The following USP25 variants were observed in gnomAD, a reference collection of about 807,000 sequenced individuals.
USP25 encodes the protein ubiquitin carboxyl-terminal hydrolase 25.
In USP25, 85 loss-of-function variants were observed where a neutral mutation model predicts 158.5. The observed-to-expected ratio is 0.54, with a 90% CI of 0.45 to 0.64. The LOEUF (loss-of-function observed/expected upper bound fraction) is 0.64, where lower values mean the gene tolerates loss of function less well. Ranked by LOEUF, USP25 falls within the 30% of genes least tolerant of loss-of-function variation. USP25 has a pLI of 0.00. For missense variants in USP25, 1,242 were observed against 1,327.3 expected (o/e 0.94, Z 1.00); for synonymous variants, 464 against 460.4 (o/e 1.01, Z -0.10).
intron 20 of USP25, among the ~76,000 whole-genome samples, chr21:15,850,598 A>G (rs1350160131): frequency 6.6e-6 from 1 of 151,862 alleles, no homozygotes; most frequent in Non-Finnish European, 1.5e-5. Context: ...AGTGGTTTTA[A>G]AAAGCAGCTT....
intron 4 of USP25, among the ~76,000 whole-genome samples, chr21:15,787,831 T>C (rs2035366969): frequency 6.6e-6 from 1 of 150,808 alleles, no homozygotes; most frequent in African/African-American, 2.4e-5. Flanking sequence ...AGCTATGAAG[T>C]GGGATATTTT....
rs779849729 is a variant in USP25 at position 15,842,559 on chromosome 21, G to A, written c.2337+19G>A. 1 of 1,611,716 alleles carries A rather than the reference G, an allele frequency of 6.2e-7. No individual in the cohort carries two copies. Among genetic ancestry groups the A allele is most frequent in the South Asian group, 1.1e-5 (1 of 90,884 alleles). On this transcript the variant is annotated intron_variant, in intron 18 of 25. Transcript: ENST00000400183. ...GCAGTCGGTAAGAACTTTTCTTTTG[G>A]CTCTCTGAACATAGCCATGGTCACG... is the stretch of plus-strand genomic sequence containing the variant.
chr21:15,855,612 C>T (rs1827394133), intron 20 of USP25, among the ~76,000 whole-genome samples: 1 of 152,176 alleles, frequency 6.6e-6, no homozygotes, highest in Admixed American at 6.5e-5. Context: ...CCAAAGAAGA[C>T]TCTTTTCCTC....
rs947039243 is a variant in USP25, at chr21:15,825,152, T to A, written c.1304+91T>A. The stretch of plus-strand genomic sequence containing the variant: ...TAATTTCAAATTTGCTTTGAGTGAT[T>A]TATAATTTTAGGAGTAGTTAATATT... On this transcript the variant is annotated intron_variant, in intron 12 of 25. Transcript: ENST00000400183. 5 of 958,930 alleles carry A rather than the reference T, an allele frequency of 5.2e-6. No individual in the cohort carries two copies. In the African/African-American group the frequency reaches 8.3e-5, roughly 16 times the overall value. 59.4% of individuals were successfully genotyped at this position (958,930 alleles called of 1,614,324 possible). A position where few individuals can be genotyped will look rare whatever the true frequency, so the allele number is the denominator to read the frequency against.
chr21:15,755,185 G>A (rs1445708871), intron 1 of USP25, among the ~76,000 whole-genome samples: 1 of 151,454 alleles, frequency 6.6e-6, no homozygotes, highest in Non-Finnish European at 1.5e-5. Flanking sequence ...TAGAAAATTT[G>A]GAAGGTTTTT....
intron 2 of USP25, 35 bp from the exon 3 acceptor site, chr21:15,765,962 C>G: frequency 6.4e-7 from 1 of 1,566,100 alleles, no homozygotes; most frequent in Non-Finnish European, 8.6e-7. Flanking sequence ...AAAATTATTT[C>G]AAAACACTTG....
At position 15,845,990 on chromosome 21, in the gene USP25, G is replaced by T. The variant is rs2038567014; in HGVS notation, c.2338-1673G>T. On this transcript the variant is annotated intron_variant, in intron 18 of 25. Transcript: ENST00000400183. ...TTATAGAACAGCCGTTACATACCTG[G>T]TGTTGGCTTAGCTGCATATTATCTC... is the stretch of plus-strand genomic sequence containing the variant. Among the ~76,000 whole-genome samples, 2 of 151,192 alleles carry T rather than the reference G, an allele frequency of 1.3e-5. 1 individual carries two copies. The highest frequency in any genetic ancestry group is 4.2e-4 in the South Asian group (2 of 4,774).
At chr21:15,740,229 G>C (rs2031906292) in intron 1 of USP25, among the ~76,000 whole-genome samples, 2 of 152,222 alleles carry the variant, frequency 1.3e-5, no homozygotes, top group African/African-American at 4.8e-5. Context: ...AAGAATCGCA[G>C]ATTATTCTTC....
intron 2 of USP25, 58 bp from the exon 3 acceptor site, chr21:15,765,939 T>G (rs2034015890): frequency 1.3e-6 from 2 of 1,543,498 alleles, no homozygotes; most frequent in Middle Eastern, 1.8e-4. Flanking sequence ...TTGTATAACT[T>G]TTTTTGATGG....
At chr21:15,859,738 C>A (rs2039333141) in intron 20 of USP25, among the ~76,000 whole-genome samples, 1 of 151,920 alleles carries the variant, frequency 6.6e-6, no homozygotes, top group Non-Finnish European at 1.5e-5. Context: ...AGTCTATTAA[C>A]AAAGTTATAT....
At chr21:15,848,375 AT>A (rs1480410422) in intron 19 of USP25, among the ~76,000 whole-genome samples, 2 of 151,870 alleles carry the variant, frequency 1.3e-5, no homozygotes, top group Non-Finnish European at 1.5e-5. Context: ...GTTTTTCATG[AT>A]TTAGTTCTTT....
chr21:15,844,109 A>T (rs1300783582), intron 18 of USP25, among the ~76,000 whole-genome samples: 1 of 152,102 alleles, frequency 6.6e-6, no homozygotes, highest in Non-Finnish European at 1.5e-5. Flanking sequence ...TATTCATTTA[A>T]TTGTTTTCTG....
At chr21:15,831,327 T>C in intron 15 of USP25, 74 bp from the exon 16 acceptor site, 2 of 1,394,396 alleles carry the variant, frequency 1.4e-6, no homozygotes, top group Non-Finnish European at 1.0e-6. Context: ...AACAGGTTGT[T>C]TGTGGGTTTC....
chr21:15,848,147 A>C (rs1181641178), intron 19 of USP25, among the ~76,000 whole-genome samples: 3 of 152,176 alleles, frequency 2.0e-5, no homozygotes, highest in South Asian at 4.1e-4. Context: ...AATTACTTAT[A>C]ATCCTTTTCC....
intron 22 of USP25, 94 bp downstream of exon 22, chr21:15,866,438 T>A: frequency 2.3e-6 from 2 of 857,438 alleles, no homozygotes; most frequent in Non-Finnish European, 3.3e-6. Flanking sequence ...GTTGAATTTG[T>A]TATGAATGAT....
At chr21:15,756,975 G>C (rs1376794796) in intron 1 of USP25, among the ~76,000 whole-genome samples, 5 of 152,180 alleles carry the variant, frequency 3.3e-5, no homozygotes, top group Non-Finnish European at 2.9e-5. Context: ...TGGAATTGCT[G>C]GTCAGGGAGA....
chr21:15,844,766 T>C (rs2146455089), intron 18 of USP25, among the ~76,000 whole-genome samples: 1 of 152,288 alleles, frequency 6.6e-6, no homozygotes, highest in Non-Finnish European at 1.5e-5. Flanking sequence ...AATATGTTGG[T>C]ATTTATTTCA....
At position 15,849,880 on chromosome 21, in the gene USP25, G is replaced by T; in HGVS notation, c.2547+8G>T. The T allele has an allele frequency of 6.8e-7, 1 of 1,470,728 alleles. No homozygotes were observed. The highest frequency in any genetic ancestry group is 9.0e-7 in the Non-Finnish European group (1 of 1,108,100). 91.1% of individuals were successfully genotyped at this position (1,470,728 alleles called of 1,614,324 possible). A position where few individuals can be genotyped will look rare whatever the true frequency, so the allele number is the denominator to read the frequency against. On this transcript the variant is annotated splice_region_variant and intron_variant, in intron 20 of 25. Coordinates refer to ENST00000400183, the MANE Select transcript of USP25 (RefSeq NM_001283041.3). ...GAAGCAGGGTTCTTTAAGGTACAAT[G>T]AACATTTTCATTTTCGTGTCTTTTC...
At chr21:15,873,024 T>C (rs576377459) in intron 23 of USP25, among the ~76,000 whole-genome samples, 19 of 152,180 alleles carry the variant, frequency 1.2e-4, no homozygotes, top group Non-Finnish European at 2.2e-4. Context: ...AATACTTGGC[T>C]AGATATAGTT....
Sources: gnomAD v4.1 joint callset for allele counts (sites outside exome capture counted in the v4.1 genomes callset) on GRCh38, gnomAD v4.1.1 for gene constraint, MANE v1.5 for transcripts, NCBI Gene and HGNC (gene_info 2026-07-23, HGNC 2026-07-21) for gene names.